MYOCD: variants seen among roughly 807,000 people sequenced by gnomAD.
MYOCD encodes myocardin.
Under a neutral mutation model 96.1 loss-of-function variants are expected in MYOCD, and 32 were observed. The observed-to-expected ratio is 0.33, with a 90% CI of 0.25 to 0.45. The LOEUF is 0.45. MYOCD is among the 20% of genes least tolerant of loss of function. MYOCD has a pLI of 1.00. For missense variants in MYOCD, 1,133 were observed against 1,200.6 expected (o/e 0.94, Z 0.83); for synonymous variants, 469 against 469.0 (o/e 1.00, Z 0.00).
intron 1 of MYOCD, among the ~76,000 whole-genome samples, chr17:12,668,028 A>G (rs1909471136): frequency 1.3e-5 from 2 of 152,222 alleles, no homozygotes; most frequent in South Asian, 4.1e-4. Flanking sequence ...AGAGAAAAAA[A>G]ACAAGTGGAA....
rs1422786445 is a variant in MYOCD at position 12,767,459 on chromosome 17, C to G, written c.*3815C>G. On this transcript the variant is annotated 3_prime_UTR_variant, in exon 14 of 14. Transcript: ENST00000425538. ...CCAGTGGCTAATATTTAATGCCCACCATGGGCAGAGCACACAAATCTTCAG... is the reference window on the plus strand; with the variant it reads ...CCAGTGGCTAATATTTAATGCCCACGATGGGCAGAGCACACAAATCTTCAG... 1.3e-5 allele frequency: 2 copies of G among 152,194 alleles called. No homozygotes were observed. The highest frequency in any genetic ancestry group is 4.8e-5 in the African/African-American group (2 of 41,462). 9.4% of individuals were successfully genotyped at this position (152,194 alleles called of 1,614,324 possible).
At chr17:12,742,696 G>T (rs972292191) in intron 7 of MYOCD, among the ~76,000 whole-genome samples, 1 of 151,542 alleles carries the variant, frequency 6.6e-6, no homozygotes, top group Non-Finnish European at 1.5e-5. Flanking sequence ...TCACCCTCCC[G>T]AGAAGCTGAG....
intron 3 of MYOCD, among the ~76,000 whole-genome samples, chr17:12,716,608 G>C (rs1395425008): frequency 2.6e-5 from 4 of 152,144 alleles, no homozygotes; most frequent in East Asian, 1.9e-4. Context: ...ACGGGAAAGA[G>C]GCATACGTTG....
intron 1 of MYOCD, among the ~76,000 whole-genome samples, chr17:12,702,638 C>T (rs952021429): frequency 2.0e-5 from 3 of 151,404 alleles, no homozygotes; most frequent in Non-Finnish European, 4.4e-5. Context: ...CCTCTCTTGC[C>T]TTCTTTGGAT....
intron 7 of MYOCD, among the ~76,000 whole-genome samples, chr17:12,742,745 T>C (rs1272892704): frequency 2.0e-5 from 3 of 151,978 alleles, no homozygotes; most frequent in Admixed American, 2.0e-4. Flanking sequence ...TAATTTTTTG[T>C]ATTTTTACCA....
intron 9 of MYOCD, among the ~76,000 whole-genome samples, chr17:12,751,200 C>T (rs1357085307): frequency 6.6e-6 from 1 of 151,950 alleles, no homozygotes; most frequent in Admixed American, 6.6e-5. Flanking sequence ...ATATTTAGAA[C>T]ATACAGATAA....
chr17:12,689,566 T>A (rs1253443448), intron 1 of MYOCD, among the ~76,000 whole-genome samples: 3 of 152,180 alleles, frequency 2.0e-5, no homozygotes, highest in African/African-American at 7.2e-5. Flanking sequence ...GCACAGTGGG[T>A]CACACCTGTA....
At chr17:12,700,514 C>T (rs776766111) in intron 1 of MYOCD, among the ~76,000 whole-genome samples, 8 of 140,384 alleles carry the variant, frequency 5.7e-5, no homozygotes, top group East Asian at 2.3e-4. Context: ...CCTGGGTTCA[C>T]GCCATTCTCC....
In MYOCD at chr17:12,708,434, C is replaced by G. The variant is rs569160261; in HGVS notation, c.121+3241C>G. ...TTTGAGACAGAGTCTCACTGTGTCGCCCAGGCTGGAGTGCAGTAGCGTGAT... is the reference window on the plus strand; with the variant it reads ...TTTGAGACAGAGTCTCACTGTGTCGGCCAGGCTGGAGTGCAGTAGCGTGAT... On this transcript the variant is annotated intron_variant, in intron 2 of 13. Coordinates refer to ENST00000425538, the MANE Select transcript of MYOCD (RefSeq NM_001146312.3). 2.0e-3 allele frequency among the ~76,000 whole-genome samples: 310 copies of G among 151,892 alleles called. 3 individuals are homozygous for G. The highest frequency in any genetic ancestry group is 7.1e-3 in the African/African-American group (295 of 41,422).
intron 1 of MYOCD, among the ~76,000 whole-genome samples, chr17:12,678,412 G>A (rs1011222083): frequency 6.6e-6 from 1 of 151,928 alleles, no homozygotes; most frequent in Non-Finnish European, 1.5e-5. Flanking sequence ...TGAAGACAGT[G>A]CCAAGCCTTG....
intron 1 of MYOCD, among the ~76,000 whole-genome samples, chr17:12,697,103 G>A (rs1205374864): frequency 6.6e-6 from 1 of 151,950 alleles, no homozygotes; most frequent in Non-Finnish European, 1.5e-5. Context: ...GATACAGGAT[G>A]TCACAGGGGT....
At chr17:12,729,581 CT>C (rs955261615) in intron 5 of MYOCD, among the ~76,000 whole-genome samples, 109 of 145,566 alleles carry the variant, frequency 7.5e-4, no homozygotes, top group Non-Finnish European at 7.6e-4. Context: ...GGATAAAGCA[CT>C]TTTTTTTTTT....
chr17:12,718,011 G>A (rs1216482084), intron 4 of MYOCD, among the ~76,000 whole-genome samples: 1 of 152,122 alleles, frequency 6.6e-6, no homozygotes, highest in Non-Finnish European at 1.5e-5. Context: ...CGCCTCATAA[G>A]TTGCCTTCCC....
In MYOCD at chr17:12,764,640, C is replaced by T. The variant is rs1224414813; in HGVS notation, c.*996C>T. 6.6e-6 allele frequency: 1 copy of T among 152,218 alleles called. No individual in the cohort carries two copies. The highest frequency in any genetic ancestry group is 2.4e-5 in the African/African-American group (1 of 41,458). The allele number at this position is 152,218 out of a possible 1,614,324, so 9.4% of individuals were successfully genotyped here. ...TAGAAGGACTATTACTTATGGGAGT[C>T]CAACTTCTCCTTTTGTTTTGTTATT... On this transcript the variant is annotated 3_prime_UTR_variant, in exon 14 of 14. Transcript: ENST00000425538.
chr17:12,753,284 G>A lies in MYOCD; in HGVS notation c.1996G>A (p.Gly666Arg), dbSNP rs745811004. ...CCCTCACTTTCTGCCCTCATCCTCC[G>A]GGGCCCAGGGAGAAGGGCACAGGGT... ...NNPHFLPSSS[G>R]AQGEGHRVSS... The change falls in exon 10 of 14, where the codon GGG becomes AGG. Residue 666 changes from glycine (G) to arginine (R), a missense_variant. Physicochemically the swap from Gly to Arg is moderately radical, Grantham distance 125. Transcript: ENST00000425538. 1.7e-5 allele frequency: 28 copies of A among 1,613,230 alleles called. No homozygotes were observed. In the East Asian group the frequency reaches 2.0e-4, roughly 12 times the overall value.
intron 1 of MYOCD, among the ~76,000 whole-genome samples, chr17:12,691,755 T>C (rs1369014737): frequency 2.0e-5 from 3 of 152,188 alleles, no homozygotes; most frequent in Non-Finnish European, 2.9e-5. Context: ...ATTTGGAACT[T>C]ACACTCATGA....
chr17:12,696,823 TAGAC>T (rs1284575051), intron 1 of MYOCD, among the ~76,000 whole-genome samples: 2 of 152,182 alleles, frequency 1.3e-5, no homozygotes, highest in Admixed American at 6.5e-5. Flanking sequence ...AGATATCTGT[TAGAC>T]AGTGCACAGG....
intron 2 of MYOCD, among the ~76,000 whole-genome samples, chr17:12,714,361 A>ACACACACACC (rs149778201): frequency 1.6e-3 from 231 of 148,360 alleles, no homozygotes; most frequent in Non-Finnish European, 1.8e-3. Flanking sequence ...ACACACACAC[A>ACACACACACC]CCCCGATCTG....
Position 12,673,104 on chromosome 17 carries a change from A to G in MYOCD, c.55+6861A>G, listed in dbSNP as rs117985960. Among the ~76,000 whole-genome samples the G allele has an allele frequency of 3.6e-3, 552 of 152,144 alleles. 2 individuals carry two copies. Among genetic ancestry groups the G allele is most frequent in the Non-Finnish European group, 5.9e-3 (402 of 67,982 alleles). The stretch of plus-strand genomic sequence containing the variant: ...CCCCATAAACTATTCTGCCTTTTCT[A>G]TTTCCGGAAACACTCTCCTTAGGAA... On this transcript the variant is annotated intron_variant, in intron 1 of 13. Transcript: ENST00000425538.
Sources: gnomAD v4.1 joint callset for allele counts (sites outside exome capture counted in the v4.1 genomes callset) on GRCh38, gnomAD v4.1.1 for gene constraint, MANE v1.5 for transcripts, NCBI Gene and HGNC (gene_info 2026-07-23, HGNC 2026-07-21) for gene names.